Variants in KAT6A observed in about 807,000 individuals in gnomAD.
KAT6A encodes the protein lysine acetyltransferase 6A, also known as histone acetyltransferase KAT6A.
KAT6A carries 9 observed loss-of-function variants against 198.4 expected under a neutral mutation model. That is an observed-to-expected ratio of 0.05 (90% CI 0.03 to 0.08). The LOEUF is 0.08. KAT6A is among the 10% of genes least tolerant of loss of function. The pLI is 1.00. For synonymous variants in KAT6A, 890 were observed against 883.0 expected, an observed-to-expected ratio of 1.01 and a Z score of -0.14; for missense variants, 2,077 against 2,509.9, an observed-to-expected ratio of 0.83 and a Z score of 3.69.
In KAT6A at chr8:42,038,906, T is replaced by C. The variant is rs1237068557; in HGVS notation, c.600+9472A>G. On this transcript the variant is annotated intron_variant, in intron 2 of 16. Coordinates refer to ENST00000265713, the MANE Select transcript of KAT6A (RefSeq NM_006766.5). ...GAATGGCATACTACTATAATCTCTA[T>C]GCTTAATTTCAACTCCTAATAAAAT... Among the ~76,000 whole-genome samples the C allele has an allele frequency of 2.0e-5, 3 of 152,314 alleles. No individual in the cohort carries two copies. In the East Asian group the frequency reaches 5.8e-4, roughly 29 times the overall value.
intron 8 of KAT6A, among the ~76,000 whole-genome samples, chr8:41,964,637 A>G (rs1028187588): frequency 1.3e-5 from 2 of 151,960 alleles, no homozygotes; most frequent in Non-Finnish European, 2.9e-5. Flanking sequence ...GAAAAAAAAA[A>G]AAAAAAAAAA....
At position 41,943,742 on chromosome 8, in the gene KAT6A, A is replaced by G; in HGVS notation, c.2228+6T>C. On this transcript the variant is annotated splice_donor_region_variant and intron_variant, in intron 13 of 16. Transcript: ENST00000265713. ...TCAAAGGTATACAAAAAGATGTGAT[A>G]CTCACTGGTCACTACGGAAGTCCAG... 1.2e-6 allele frequency: 2 copies of G among 1,600,328 alleles called. No homozygotes were observed. The highest frequency in any genetic ancestry group is 1.7e-6 in the Non-Finnish European group (2 of 1,167,698).
chr8:42,006,831 A>G (rs376043174), intron 2 of KAT6A, among the ~76,000 whole-genome samples: 47 of 151,970 alleles, frequency 3.1e-4, no homozygotes, highest in African/African-American at 9.4e-4. Flanking sequence ...CCCTGTTTCT[A>G]CTAAAAATAC....
chr8:42,040,126 CTTT>C (rs916990339), intron 2 of KAT6A, among the ~76,000 whole-genome samples: 5 of 151,714 alleles, frequency 3.3e-5, no homozygotes, highest in African/African-American at 7.3e-5. Flanking sequence ...ATATAGAATT[CTTT>C]TGAGACTTCA....
chr8:41,942,377 C>G, intron 14 of KAT6A: 1 of 250,980 alleles, frequency 4.0e-6, no homozygotes, highest in Non-Finnish European at 7.8e-6. Context: ...AACTCCTAAT[C>G]TCAAGCAATC....
At chr8:41,937,609 T>C (rs1266647073) in intron 15 of KAT6A, 41 bp from the exon 16 acceptor site, 2 of 1,422,574 alleles carry the variant, frequency 1.4e-6, no homozygotes, top group Admixed American at 2.2e-5. Context: ...TTATGAACAC[T>C]ATCTTTTCTA....
chr8:41,980,819 A>C (rs778570199), intron 5 of KAT6A, 27 bp downstream of exon 5: 1 of 1,500,220 alleles, frequency 6.7e-7, no homozygotes, highest in Non-Finnish European at 9.3e-7. Context: ...TTATATTCCC[A>C]GTTTTATTTC....
intron 2 of KAT6A, among the ~76,000 whole-genome samples, chr8:42,047,151 T>A (rs1332085237): frequency 2.0e-5 from 3 of 152,184 alleles, no homozygotes; most frequent in African/African-American, 7.2e-5. Context: ...ATTTTACTTA[T>A]GTCTACCAAG....
At chr8:42,002,492 T>G (rs558440407) in intron 2 of KAT6A, among the ~76,000 whole-genome samples, 37 of 151,834 alleles carry the variant, frequency 2.4e-4, no homozygotes, top group African/African-American at 8.7e-4. Context: ...ACCTGGGGGG[T>G]GGAGGTTGCA....
At chr8:41,957,786 GAA>G (rs752182429) in intron 8 of KAT6A, 3 of 154,288 alleles carry the variant, frequency 1.9e-5, no homozygotes, top group African/African-American at 4.8e-5. Flanking sequence ...CAGTTTATAT[GAA>G]AAGAGTATTA....
intron 3 of KAT6A, among the ~76,000 whole-genome samples, chr8:41,986,864 C>T (rs1033139620): frequency 3.9e-5 from 6 of 152,080 alleles, no homozygotes; most frequent in African/African-American, 1.4e-4. Context: ...ATGGTGAAAC[C>T]TTGTCTCTAC....
intron 2 of KAT6A, among the ~76,000 whole-genome samples, chr8:42,042,156 G>A (rs1827698959): frequency 3.3e-5 from 5 of 152,030 alleles, no homozygotes; most frequent in Admixed American, 2.6e-4. Context: ...TTAACTTTCA[G>A]TAACTTAAAA....
chr8:42,051,119 G>A (rs566828683), intron 1 of KAT6A, among the ~76,000 whole-genome samples: 22 of 152,290 alleles, frequency 1.4e-4, no homozygotes, highest in Admixed American at 1.4e-3. Flanking sequence ...ACGTGAAGGA[G>A]TTCAGAGCGG....
chr8:41,934,090 T>A lies in KAT6A; in HGVS notation c.4130A>T (p.Gln1377Leu), dbSNP rs754669509. ...EETELDSEEE[Q>L]PSHDTSVVSE... ...CACCACGGACGTGTCATGGGAAGGC[T>A]GCTCCTCTTCGGAATCCAGCTCGGT... The change falls in exon 17 of 17, where the codon CAG becomes CTG. Residue 1377 changes from glutamine to leucine, a missense_variant. By Grantham distance (113) the Gln-to-Leu change is moderately radical. Transcript: ENST00000265713. 6 of 1,614,092 alleles carry A rather than the reference T, an allele frequency of 3.7e-6. No individual in the cohort carries two copies. The South Asian group carries it at 6.6e-5, about 18-fold the overall frequency.
rs578132503 is a variant in KAT6A at position 41,975,233 on chromosome 8, C to T, written c.1364-411G>A. 1.3e-5 allele frequency among the ~76,000 whole-genome samples: 2 copies of T among 152,284 alleles called. 1 individual carries two copies. Among genetic ancestry groups the T allele is most frequent in the African/African-American group, 4.8e-5 (2 of 41,570 alleles). ...CCTTAACTGATGTCAGCAGTACTAA[C>T]TCCCATCACATTCTGGGTGCCCTTT... On this transcript the variant is annotated intron_variant, in intron 7 of 16. Coordinates refer to ENST00000265713, the MANE Select transcript of KAT6A (RefSeq NM_006766.5).
intron 2 of KAT6A, among the ~76,000 whole-genome samples, chr8:41,998,176 G>C (rs564926915): frequency 1.3e-5 from 2 of 152,238 alleles, no homozygotes; most frequent in African/African-American, 4.8e-5. Context: ...ATAAATGTCA[G>C]TCAATTCAAA....
At position 41,943,935 on chromosome 8, in the gene KAT6A, T is replaced by C; in HGVS notation, c.2041A>G (p.Lys681Glu). ...KREGQAGSPE[K>E]PLSDLGRLSY... ...AGACGACCCAGATCAGATAACGGTT[T>C]CTCTGGAGACCCTGCTTGGCCTTCA... The change falls in exon 13 of 17, where the codon AAA becomes GAA. Residue 681 changes from lysine to glutamate, a missense_variant. Physicochemically the swap from Lys to Glu is moderately conservative, Grantham distance 56. Coordinates refer to ENST00000265713, the MANE Select transcript of KAT6A (RefSeq NM_006766.5). 1 of 1,614,018 alleles carries C rather than the reference T, an allele frequency of 6.2e-7. No individual in the cohort carries two copies. Among genetic ancestry groups the C allele is most frequent in the Non-Finnish European group, 8.5e-7 (1 of 1,179,982 alleles).
At position 41,955,186 on chromosome 8, in the gene KAT6A, G is replaced by C. The variant is rs182859193; in HGVS notation, c.1598+110C>G. Reference sequence around the variant, plus strand: ...TATTATGGACATTTAAAAGCCCCCAGTTTCCTCAAATGTAAAGGATAAGGT... The same window carrying C: ...TATTATGGACATTTAAAAGCCCCCACTTTCCTCAAATGTAAAGGATAAGGT... On this transcript the variant is annotated intron_variant, in intron 9 of 16. Transcript: ENST00000265713. 732 of 706,460 alleles carry C rather than the reference G, an allele frequency of 1.0e-3. 2 individuals carry two copies. Among genetic ancestry groups the C allele is most frequent in the Non-Finnish European group, 1.4e-3 (554 of 407,412 alleles). 43.8% of individuals were successfully genotyped at this position (706,460 alleles called of 1,614,324 possible).
intron 2 of KAT6A, among the ~76,000 whole-genome samples, chr8:42,044,184 T>C (rs1372900622): frequency 6.9e-6 from 1 of 144,116 alleles, no homozygotes; most frequent in African/African-American, 2.6e-5. Context: ...CGCTACAACC[T>C]CCGCCTCCTG....
Sources: allele counts gnomAD v4.1 joint callset (sites outside exome capture counted in the v4.1 genomes callset), GRCh38; gene constraint gnomAD v4.1.1; transcripts MANE v1.5; gene names NCBI Gene and HGNC (gene_info 2026-07-23, HGNC 2026-07-21).